Variants in COL23A1 observed in about 807,000 individuals in gnomAD.
COL23A1 encodes the protein collagen alpha-1(XXIII) chain.
Under a neutral mutation model 99.3 loss-of-function variants are expected in COL23A1, and 97 were observed. The observed-to-expected ratio is 0.98, with a 90% confidence interval of 0.83 to 1.16. The LOEUF (loss-of-function observed/expected upper bound fraction) is 1.16, where lower values mean the gene tolerates loss of function less well. Among genes scored for constraint, COL23A1 ranks in the 50% most tolerant of loss-of-function variants. The pLI, the probability that COL23A1 is intolerant of heterozygous loss-of-function variation, is 0.00. For missense variants in COL23A1, 762 were observed against 757.4 expected (o/e 1.01, Z -0.07); for synonymous variants, 320 against 308.2 (o/e 1.04, Z -0.40).
intron 2 of COL23A1, among the ~76,000 whole-genome samples, chr5:178,364,496 G>A (rs1762357257): frequency 7.5e-6 from 1 of 133,258 alleles, no homozygotes; most frequent in Non-Finnish European, 1.6e-5. Flanking sequence ...GGTCCCCTGA[G>A]ATGCAGGAGC....
intron 27 of COL23A1, among the ~76,000 whole-genome samples, chr5:178,240,700 C>A (rs182573544): frequency 6.6e-6 from 1 of 152,286 alleles, no homozygotes; most frequent in East Asian, 1.9e-4. Context: ...CAAAACTGTC[C>A]GAGGGGAGCG....
chr5:178,468,992 G>A lies in COL23A1; in HGVS notation c.361+91690C>T, dbSNP rs1357258910. On this transcript the variant is annotated intron_variant, in intron 2 of 28. Transcript: ENST00000390654. This position sits in a 1 kb window ranked among gnomAD's most constrained non-coding sequence, Gnocchi z 4.2. ...GATGACTGGGTGCCTCACATAAGTG[G>A]AATCATATCGTGTTTGTCCTTCTGT... Among the ~76,000 whole-genome samples the A allele has an allele frequency of 3.3e-5, 5 of 152,168 alleles. No individual in the cohort carries two copies. Among genetic ancestry groups the A allele is most frequent in the Admixed American group, 6.5e-5 (1 of 15,290 alleles).
At chr5:178,354,822 C>T (rs567839047) in intron 2 of COL23A1, among the ~76,000 whole-genome samples, 45 of 152,110 alleles carry the variant, frequency 3.0e-4, no homozygotes, top group African/African-American at 9.4e-4. Flanking sequence ...TTTGGGAGGC[C>T]GAGGCAGATG....
At chr5:178,381,346 G>A (rs1729612774) in intron 2 of COL23A1, among the ~76,000 whole-genome samples, 1 of 152,208 alleles carries the variant, frequency 6.6e-6, no homozygotes, top group African/African-American at 2.4e-5. Flanking sequence ...ACAGGGGAAG[G>A]CCAGCAAGTA....
At chr5:178,554,859 C>T (rs1439919157) in intron 2 of COL23A1, among the ~76,000 whole-genome samples, 1 of 152,100 alleles carries the variant, frequency 6.6e-6, no homozygotes, top group African/African-American at 2.4e-5. Flanking sequence ...TGGTAAAATA[C>T]ATATAACATA....
chr5:178,538,310 TTA>T (rs1462826248), intron 2 of COL23A1, among the ~76,000 whole-genome samples: 1 of 152,218 alleles, frequency 6.6e-6, no homozygotes, highest in Admixed American at 6.5e-5. Context: ...GCTTGTTTTT[TTA>T]TCTTTCTAAC....
intron 2 of COL23A1, among the ~76,000 whole-genome samples, chr5:178,517,747 A>C (rs568152683): frequency 1.9e-3 from 288 of 151,168 alleles, no homozygotes; most frequent in African/African-American, 6.5e-3. Context: ...TGTTTAGTAG[A>C]GACGGGGTTT....
At position 178,366,343 on chromosome 5, in the gene COL23A1, G is replaced by C. The variant is rs927554843; in HGVS notation, c.362-59424C>G. ...GCGTCCTCCATCCTCTGGTGCACCA[G>C]GTTAGCTTGACTCCAGGTGCCCTGC... On this transcript the variant is annotated intron_variant, in intron 2 of 28. Transcript: ENST00000390654. The surrounding 1 kb of genome is among the most constrained non-coding windows in gnomAD (Gnocchi z 4.4). Among the ~76,000 whole-genome samples, 7 of 152,226 alleles carry C rather than the reference G, an allele frequency of 4.6e-5. No homozygotes were observed. The highest frequency in any genetic ancestry group is 5.9e-5 in the Non-Finnish European group (4 of 68,030).
At chr5:178,409,925 C>A (rs978549799) in intron 2 of COL23A1, among the ~76,000 whole-genome samples, 1 of 151,936 alleles carries the variant, frequency 6.6e-6, no homozygotes, top group Non-Finnish European at 1.5e-5. Flanking sequence ...AGAATGAGAC[C>A]TTCATGAATT....
intron 2 of COL23A1, among the ~76,000 whole-genome samples, chr5:178,477,820 C>T (rs6863210): frequency 0.36 from 54,708 of 152,094 alleles, 11,804 homozygotes; most frequent in Admixed American, 0.49. Context: ...GGGATTCTTT[C>T]GGATGCTGGT....
At chr5:178,576,119 C>T (rs1763340848) in intron 1 of COL23A1, among the ~76,000 whole-genome samples, 2 of 152,166 alleles carry the variant, frequency 1.3e-5, no homozygotes, top group Admixed American at 1.3e-4. Context: ...GGAGCTCCAA[C>T]TTACAGCCGT....
intron 2 of COL23A1, among the ~76,000 whole-genome samples, chr5:178,391,471 T>C (rs1372413042): frequency 6.6e-6 from 1 of 152,140 alleles, no homozygotes; most frequent in Non-Finnish European, 1.5e-5. Flanking sequence ...ACTAAGCACA[T>C]GAAGACATAG....
chr5:178,470,269 C>T (rs556609843), intron 2 of COL23A1, among the ~76,000 whole-genome samples: 7 of 152,356 alleles, frequency 4.6e-5, no homozygotes, highest in East Asian at 1.9e-4. Flanking sequence ...GGTCCGCTAC[C>T]GTGAGCTCTT....
rs1382812630 is a variant in COL23A1, at chr5:178,310,988, T to C, written c.362-4069A>G. 6.6e-6 allele frequency among the ~76,000 whole-genome samples: 1 copy of C among 152,162 alleles called. No individual in the cohort carries two copies. The highest frequency in any genetic ancestry group is 1.5e-5 in the Non-Finnish European group (1 of 68,038). On this transcript the variant is annotated intron_variant, in intron 2 of 28. Coordinates refer to ENST00000390654, the MANE Select transcript of COL23A1 (RefSeq NM_173465.4). This position sits in a 1 kb window ranked among gnomAD's most constrained non-coding sequence, Gnocchi z 4.3. ...AGGCTGCAAGGGATAGGACAGGTCTTGCCCACGGATGCTGCTGGAAAACTT... is the reference window on the plus strand; with the variant it reads ...AGGCTGCAAGGGATAGGACAGGTCTCGCCCACGGATGCTGCTGGAAAACTT...
At chr5:178,253,126 C>A (rs942363303) in intron 16 of COL23A1, among the ~76,000 whole-genome samples, 8 of 152,138 alleles carry the variant, frequency 5.3e-5, no homozygotes, top group Non-Finnish European at 8.8e-5. Context: ...CGACCCCACT[C>A]TCAAGCTCCT....
chr5:178,551,340 G>A (rs963770258), intron 2 of COL23A1, among the ~76,000 whole-genome samples: 2 of 151,884 alleles, frequency 1.3e-5, no homozygotes, highest in African/African-American at 2.4e-5. Flanking sequence ...TATAGGACAT[G>A]ACACATTTTA....
intron 2 of COL23A1, among the ~76,000 whole-genome samples, chr5:178,463,230 T>C (rs1756224320): frequency 6.6e-6 from 1 of 152,268 alleles, no homozygotes; most frequent in Non-Finnish European, 1.5e-5. Context: ...CTAGGTAAGA[T>C]GCAAGTAAAT....
At chr5:178,514,881 C>T (rs1759418130) in intron 2 of COL23A1, among the ~76,000 whole-genome samples, 1 of 152,222 alleles carries the variant, frequency 6.6e-6, no homozygotes, top group African/African-American at 2.4e-5. Flanking sequence ...TATGATGCGG[C>T]ATTTTCAGAG....
intron 3 of COL23A1, among the ~76,000 whole-genome samples, chr5:178,297,287 G>A (rs1008286060): frequency 6.6e-6 from 1 of 152,246 alleles, no homozygotes; most frequent in African/African-American, 2.4e-5. Flanking sequence ...TTGGGAGGCC[G>A]AGGCGGGTGG....
Sources: allele counts gnomAD v4.1 joint callset (sites outside exome capture counted in the v4.1 genomes callset), GRCh38; gene constraint gnomAD v4.1.1; non-coding constraint Gnocchi (gnomAD v3.1); transcripts MANE v1.5; gene names NCBI Gene and HGNC (gene_info 2026-07-23, HGNC 2026-07-21).